KATNB1: variants seen among roughly 807,000 people sequenced by gnomAD.
KATNB1 encodes the protein katanin p80 WD40 repeat-containing subunit B1.
KATNB1 carries 38 observed loss-of-function variants against 82.3 expected under a neutral mutation model. That is an observed-to-expected ratio of 0.46 (90% CI 0.36 to 0.61). The LOEUF (loss-of-function observed/expected upper bound fraction) is 0.61, where lower values mean the gene tolerates loss of function less well. Among genes scored for constraint, KATNB1 ranks in the 20% least tolerant of loss-of-function variants. KATNB1 has a pLI of 0.00. For missense variants in KATNB1, 749 were observed against 915.7 expected, an observed-to-expected ratio of 0.82 and a Z score of 2.35; for synonymous variants, 361 against 368.7, an observed-to-expected ratio of 0.98 and a Z score of 0.24.
chr16:57,744,776 CGTGT>C lies in KATNB1; in HGVS notation c.289+288_289+291del, dbSNP rs60853487. The stretch of plus-strand genomic sequence containing the variant: ...GTTTGGATGTGTGTGTCTGCGGGCA[CGTGT>C]GTGTGTGTGTGTGTGTGTGTGTTTA... On this transcript the variant is annotated intron_variant, in intron 4 of 19. Transcript: ENST00000379661. Among the ~76,000 whole-genome samples, 18,548 of 149,016 alleles carry C rather than the reference CGTGT, an allele frequency of 0.12. 1,631 individuals are homozygous for C. The highest frequency in any genetic ancestry group is 0.25 in the African/African-American group (10,220 of 40,774).
chr16:57,738,824 AC>A (rs1597822579), intron 2 of KATNB1, among the ~76,000 whole-genome samples: 1 of 152,062 alleles, frequency 6.6e-6, no homozygotes, highest in East Asian at 1.9e-4. Context: ...CCACTGGGGG[AC>A]AAAGTAGTCA....
chr16:57,753,378 C>T lies in KATNB1; in HGVS notation c.1047-11C>T, dbSNP rs1555584317. The T allele has an allele frequency of 6.2e-7, 1 of 1,608,420 alleles. No individual in the cohort carries two copies. Among genetic ancestry groups the T allele is most frequent in the Admixed American group, 1.7e-5 (1 of 59,666 alleles). On this transcript the variant is annotated splice_polypyrimidine_tract_variant and intron_variant, in intron 11 of 19. Transcript: ENST00000379661. ...CACCTGCTTCCGTTGGGCTTGGCCT[C>T]ACGCTCCCAGGGTGAAGCAGAACTC...
At chr16:57,741,417 T>C (rs575746048) in intron 2 of KATNB1, among the ~76,000 whole-genome samples, 35 of 152,372 alleles carry the variant, frequency 2.3e-4, no homozygotes, top group African/African-American at 8.4e-4. Context: ...TACCAGGTGA[T>C]ATGCAGAAAC....
intron 13 of KATNB1, among the ~76,000 whole-genome samples, 188 bp from the exon 14 acceptor site, chr16:57,754,742 G>A (rs2049261454): frequency 6.6e-6 from 1 of 152,184 alleles, no homozygotes; most frequent in South Asian, 2.1e-4. Flanking sequence ...TGAGTTGGGG[G>A]AGAGGGAGGA....
At chr16:57,756,600 C>A in intron 19 of KATNB1, 128 bp downstream of exon 19, 1 of 1,174,046 alleles carries the variant, frequency 8.5e-7, no homozygotes, top group Non-Finnish European at 1.2e-6. Context: ...TGGTCTGGGG[C>A]CATGGCTCAG....
rs1420087315 is a variant in KATNB1, at chr16:57,751,393, C to T, written c.432+91C>T. ...AGACCCCAGCAGGGGGTGGAGGGGACGGCTGTCCCACATGGGTGATAACAT... is the reference window on the plus strand; with the variant it reads ...AGACCCCAGCAGGGGGTGGAGGGGATGGCTGTCCCACATGGGTGATAACAT... On this transcript the variant is annotated intron_variant, in intron 6 of 19. Coordinates refer to ENST00000379661, the MANE Select transcript of KATNB1 (RefSeq NM_005886.3). The surrounding 1 kb of genome is among the most constrained non-coding windows in gnomAD (Gnocchi z 6.3). 19 of 1,298,306 alleles carry T rather than the reference C, an allele frequency of 1.5e-5. No homozygotes were observed. Among genetic ancestry groups the T allele is most frequent in the South Asian group, 4.8e-5 (4 of 84,206 alleles). The allele number at this position is 1,298,306 out of a possible 1,614,324, so 80.4% of individuals were successfully genotyped here. A position where few individuals can be genotyped will look rare whatever the true frequency, so the allele number is the denominator to read the frequency against.
intron 11 of KATNB1, 38 bp downstream of exon 11, chr16:57,753,305 G>A (rs1555584295): frequency 6.3e-7 from 1 of 1,579,744 alleles, no homozygotes; most frequent in South Asian, 1.1e-5. Context: ...CCAGGAGAGG[G>A]ACTGTCACAG....
Position 57,755,856 on chromosome 16 carries a change from G to A in KATNB1, c.1582G>A (p.Ala528Thr), listed in dbSNP as rs1555585965. 1.1e-5 allele frequency: 17 copies of A among 1,592,920 alleles called. No individual in the cohort carries two copies. The highest frequency in any genetic ancestry group is 1.4e-5 in the Non-Finnish European group (16 of 1,163,806). ...GTTTGCACAGACGTCGGTGGACTCCGCTGTGGCCATCAACGACCTGTCGGT... is the reference window on the plus strand; with the variant it reads ...GTTTGCACAGACGTCGGTGGACTCCACTGTGGCCATCAACGACCTGTCGGT... ...MGDIKTSVDS[A>T]VAINDLSVVV... The change falls in exon 17 of 20, where the codon GCT (alanine) becomes ACT (threonine). Residue 528 changes from alanine (A) to threonine (T), a missense_variant. By Grantham distance (58) the Ala-to-Thr change is moderately conservative (BLOSUM62 0). Around this residue, in one of 3 missense-constraint regions of KATNB1, gnomAD observed 407 missense variants for 434.7 expected, o/e 0.94. Coordinates refer to ENST00000379661, the MANE Select transcript of KATNB1 (RefSeq NM_005886.3).
intron 2 of KATNB1, among the ~76,000 whole-genome samples, chr16:57,741,340 A>C (rs1449478220): frequency 6.6e-6 from 1 of 152,264 alleles, no homozygotes; most frequent in African/African-American, 2.4e-5. Context: ...TTTCATGGAC[A>C]TTGCTTAAGC....
intron 4 of KATNB1, among the ~76,000 whole-genome samples, chr16:57,749,777 T>C (rs905683572): frequency 6.6e-6 from 1 of 152,190 alleles, no homozygotes; most frequent in Non-Finnish European, 1.5e-5. Context: ...AAGGAAAGGA[T>C]AGGAGATGTG....
chr16:57,749,546 A>C (rs1419855042), intron 4 of KATNB1, among the ~76,000 whole-genome samples: 1 of 152,168 alleles, frequency 6.6e-6, no homozygotes, highest in Non-Finnish European at 1.5e-5. Context: ...TCACAAGGTG[A>C]CCTATTGCAC....
Position 57,752,785 on chromosome 16 carries a change from C to G in KATNB1, c.712C>G (p.Leu238Val). 3.7e-6 allele frequency: 6 copies of G among 1,610,478 alleles called. No individual in the cohort carries two copies. Among genetic ancestry groups the G allele is most frequent in the Non-Finnish European group, 5.1e-6 (6 of 1,179,450 alleles). ...ATCTCTCGCCTGGCCCAGGAGCGTC[C>G]TCTTCAACCCAGACGGCTGCTGCCT... Reference protein sequence around the residue: ...EGEPGPVRSVLFNPDGCCLYS... With the variant: ...EGEPGPVRSVVFNPDGCCLYS... The change falls in exon 10 of 20, where the codon CTC becomes GTC. Residue 238 changes from leucine (L) to valine (V), a missense_variant. Physicochemically the swap from Leu to Val is conservative, Grantham distance 32. This residue lies in a region of KATNB1 where 247 missense variants were observed against 349.4 expected (regional missense o/e 0.71). Coordinates refer to ENST00000379661, the MANE Select transcript of KATNB1 (RefSeq NM_005886.3).
chr16:57,753,979 T>C lies in KATNB1; in HGVS notation c.1212T>C (p.Pro404=), dbSNP rs2148795753. 1 of 1,613,574 alleles carries C rather than the reference T, an allele frequency of 6.2e-7. No homozygotes were observed. The highest frequency in any genetic ancestry group is 8.5e-7 in the Non-Finnish European group (1 of 1,179,858). Residue 404 remains proline, a synonymous_variant, in exon 13 of 20, where the codon CCT becomes CCC. Coordinates refer to ENST00000379661, the MANE Select transcript of KATNB1 (RefSeq NM_005886.3). ...RTPPRRSEPF[P]APPEDDAATA... ...CACCCCGGAGAAGTGAGCCCTTCCCTGCACCCCCAGAGGACGGTGAGTTGG... is the reference window on the plus strand; with the variant it reads ...CACCCCGGAGAAGTGAGCCCTTCCCCGCACCCCCAGAGGACGGTGAGTTGG...
At chr16:57,756,711 C>T in intron 19 of KATNB1, 103 bp from the exon 20 acceptor site, 2 of 1,441,228 alleles carry the variant, frequency 1.4e-6, no homozygotes, top group Non-Finnish European at 1.8e-6. Flanking sequence ...CTCCGCCTTC[C>T]CTTGGGAGGA....
At chr16:57,746,893 T>A (rs1395728864) in intron 4 of KATNB1, among the ~76,000 whole-genome samples, 1 of 152,172 alleles carries the variant, frequency 6.6e-6, no homozygotes, top group Non-Finnish European at 1.5e-5. Flanking sequence ...TCTTTTCTTT[T>A]CTTTTTTTGA....
rs552380941 is a variant in KATNB1, at chr16:57,755,917, C to A, written c.1643C>A (p.Ala548Asp). The A allele has an allele frequency of 3.7e-6, 6 of 1,602,728 alleles. No individual in the cohort carries two copies. The South Asian group carries it at 6.6e-5, about 18-fold the overall frequency. Residue 548 changes from alanine to aspartate, a missense_variant and splice_region_variant, in exon 17 of 20, where the codon GCC (alanine) becomes GAC (aspartate). Around this residue, in one of 3 missense-constraint regions of KATNB1, gnomAD observed 407 missense variants for 434.7 expected, o/e 0.94. Transcript: ENST00000379661. ...CTCCTGAACATCGTCAACCAGAAAG[C>A]GTAAGTGGCTGCAGAGGGGGAGTGG... is the stretch of plus-strand genomic sequence containing the variant. The part of the protein sequence containing the change: ...VDLLNIVNQK[A>D]SLWKLDLCTT...
At position 57,755,257 on chromosome 16, in the gene KATNB1, C is replaced by G. The variant is rs782816760; in HGVS notation, c.1416+19C>G. 3 of 1,610,428 alleles carry G rather than the reference C, an allele frequency of 1.9e-6. No homozygotes were observed. Among genetic ancestry groups the G allele is most frequent in the South Asian group, 1.1e-5 (1 of 91,016 alleles). On this transcript the variant is annotated intron_variant, in intron 15 of 19. Coordinates refer to ENST00000379661, the MANE Select transcript of KATNB1 (RefSeq NM_005886.3). Reference sequence around the variant, plus strand: ...CCTGCCCGTGAGTAGGAGCCCAGCTCGAGGCATGGGTGGAGGTCTGTGGGT... The same window carrying G: ...CCTGCCCGTGAGTAGGAGCCCAGCTGGAGGCATGGGTGGAGGTCTGTGGGT...
rs782065389 is a variant in KATNB1 at position 57,755,402 on chromosome 16, C to A, written c.1474C>A (p.Arg492Ser). 1 of 1,613,306 alleles carries A rather than the reference C, an allele frequency of 6.2e-7. No homozygotes were observed. Among genetic ancestry groups the A allele is most frequent in the Non-Finnish European group, 8.5e-7 (1 of 1,180,026 alleles). The change falls in exon 16 of 20, where the codon CGC becomes AGC. Residue 492 changes from arginine to serine, a missense_variant. By Grantham distance (110) the Arg-to-Ser change is moderately radical (BLOSUM62 -1). This residue lies in a region of KATNB1 where 407 missense variants were observed against 434.7 expected (regional missense o/e 0.94). Transcript: ENST00000379661. Reference sequence around the variant, plus strand: ...GGACGAGGATGCCATGTCACAGATCCGCAAAGGCCACGACACCATGTGTGT... The same window carrying A: ...GGACGAGGATGCCATGTCACAGATCAGCAAAGGCCACGACACCATGTGTGT... ...LVDEDAMSQIRKGHDTMCVVL... is the reference protein window; with the variant it reads ...LVDEDAMSQISKGHDTMCVVL...
intron 12 of KATNB1, among the ~76,000 whole-genome samples, 160 bp downstream of exon 12, chr16:57,753,679 G>C (rs553807782): frequency 6.6e-6 from 1 of 152,216 alleles, no homozygotes; most frequent in South Asian, 2.1e-4. Context: ...GGCCTTGCCA[G>C]GCTGTGCTCT....
Sources: gnomAD v4.1 joint callset for allele counts (sites outside exome capture counted in the v4.1 genomes callset) on GRCh38, gnomAD v4.1.1 for gene constraint, gnomAD v4.1.1 regional missense constraint, Gnocchi (gnomAD v3.1) non-coding constraint, MANE v1.5 for transcripts, NCBI Gene and HGNC (gene_info 2026-07-23, HGNC 2026-07-21) for gene names.